Variants in SOD2 observed in about 807,000 individuals in gnomAD.
The protein encoded by SOD2 is superoxide dismutase [Mn], mitochondrial.
SOD2 carries 11 observed loss-of-function variants against 27.0 expected under a neutral mutation model. The observed-to-expected ratio is 0.41, with a 90% confidence interval of 0.26 to 0.67. SOD2 has a LOEUF of 0.67. Ranked by LOEUF, SOD2 falls within the 30% of genes least tolerant of loss-of-function variation. SOD2 has a pLI of 0.34. For synonymous variants in SOD2, 105 were observed against 103.0 expected (o/e 1.02, Z -0.12); for missense variants, 250 against 274.5 (o/e 0.91, Z 0.63).
chr6:159,677,333 T>G lies in SOD2; in HGVS notation c.*5160A>C, dbSNP rs1284037957. 1 of 152,164 alleles carries G rather than the reference T, an allele frequency of 6.6e-6. No homozygotes were observed. Among genetic ancestry groups the G allele is most frequent in the Non-Finnish European group, 1.5e-5 (1 of 68,040 alleles). 9.4% of individuals were successfully genotyped at this position (152,164 alleles called of 1,614,324 possible). A position where few individuals can be genotyped will look rare whatever the true frequency, so the allele number is the denominator to read the frequency against. ...TTTTTTAACGTGTCCCAGAAGCATC[T>G]TGACAACAGAAGCACTCTCATTACT... On this transcript the variant is annotated 3_prime_UTR_variant, in exon 5 of 5. Coordinates refer to ENST00000538183, the MANE Select transcript of SOD2 (RefSeq NM_000636.4).
upstream of SOD2, among the ~76,000 whole-genome samples, chr6:159,729,007 A>G (rs1247239375): frequency 6.6e-6 from 1 of 152,222 alleles, no homozygotes; most frequent in Non-Finnish European, 1.5e-5. Flanking sequence ...TTCCAATTCA[A>G]CGTTGAGTCA....
At chr6:159,732,323 C>G (rs1778622461), upstream of SOD2, among the ~76,000 whole-genome samples, 1 of 152,008 alleles carries the variant, frequency 6.6e-6, no homozygotes. Context: ...GGTAGGATGC[C>G]TTAGTAACTA....
chr6:159,681,506 G>T lies in SOD2; in HGVS notation c.*987C>A, dbSNP rs900691654. 1 of 152,084 alleles carries T rather than the reference G, an allele frequency of 6.6e-6. No individual in the cohort carries two copies. Among genetic ancestry groups the T allele is most frequent in the Non-Finnish European group, 1.5e-5 (1 of 68,062 alleles). 9.4% of individuals were successfully genotyped at this position (152,084 alleles called of 1,614,324 possible). On this transcript the variant is annotated 3_prime_UTR_variant, in exon 5 of 5. Transcript: ENST00000538183. Reference sequence around the variant, plus strand: ...GCCAGACCTTAATGTTCCTTTCTGCGGACCCCAAGTTTTTAGACAAAGCTT... The same window carrying T: ...GCCAGACCTTAATGTTCCTTTCTGCTGACCCCAAGTTTTTAGACAAAGCTT...
At chr6:159,717,791 C>A (rs1375613255) in intron 1 of SOD2, among the ~76,000 whole-genome samples, 1 of 151,950 alleles carries the variant, frequency 6.6e-6, no homozygotes, top group Non-Finnish European at 1.5e-5. Context: ...TAGCTTTCAC[C>A]TATCAGTGAG....
At chr6:159,727,197 CG>C in exon 1 of SOD2, 1 of 1,234,324 alleles carries the variant, frequency 8.1e-7, no homozygotes, top group Non-Finnish European at 1.0e-6. Flanking sequence ...GGAGTGTTAC[CG>C]GGGAGCAGCT....
chr6:159,715,759 G>A (rs1349531305), intron 1 of SOD2, among the ~76,000 whole-genome samples: 1 of 152,064 alleles, frequency 6.6e-6, no homozygotes, highest in Non-Finnish European at 1.5e-5. Context: ...AATTAGCTGG[G>A]TATGGTAGTT....
chr6:159,691,387 T>A (rs528382724), intron 2 of SOD2: 1 of 152,338 alleles, frequency 6.6e-6, no homozygotes, highest in African/African-American at 2.4e-5. Context: ...AATCATTTAC[T>A]TCAAACACAA....
At chr6:159,712,484 A>AC (rs202196799) in intron 1 of SOD2, among the ~76,000 whole-genome samples, 58 of 37,750 alleles carry the variant, frequency 1.5e-3, no homozygotes, top group South Asian at 5.9e-3. Context: ...ACCACCACTC[A>AC]GCTGCTCTGA....
upstream of SOD2, chr6:159,748,132 C>A: frequency 6.5e-7 from 1 of 1,532,344 alleles, no homozygotes; most frequent in Non-Finnish European, 8.8e-7. This position sits in a 1 kb window ranked among gnomAD's most constrained non-coding sequence, Gnocchi z 5.6. Context: ...GAGTTTTCCC[C>A]ACCTTCTTAT....
At chr6:159,690,030 T>C (rs1780376845) in intron 2 of SOD2, among the ~76,000 whole-genome samples, 1 of 151,630 alleles carries the variant, frequency 6.6e-6, no homozygotes, top group Non-Finnish European at 1.5e-5. Context: ...ACGCCTGTAA[T>C]CCCAGCACTT....
At position 159,684,767 on chromosome 6, in the gene SOD2, A is replaced by T. The variant is rs571529129; in HGVS notation, c.523+87T>A. On this transcript the variant is annotated intron_variant, in intron 4 of 4. Transcript: ENST00000538183. ...GATTTGCAAATTATTACATGTTCTT[A>T]AAACACTGTTAGTTTTCCTTATTTC... The T allele has an allele frequency of 3.1e-5, 34 of 1,083,282 alleles. No individual in the cohort carries two copies. The African/African-American group carries it at 5.2e-4, about 17-fold the overall frequency. 67.1% of individuals were successfully genotyped at this position (1,083,282 alleles called of 1,614,324 possible).
Position 159,692,866 on chromosome 6 carries a change from G to T in SOD2, c.24-3C>A. ...CCGGAGCCAGCTGCCTGCTGGTGCT[G>T]AAGACGAGAAAGCACAGCCCGGTCA... On this transcript the variant is annotated splice_region_variant and splice_polypyrimidine_tract_variant and intron_variant, in intron 1 of 4. Transcript: ENST00000538183. The T allele has an allele frequency of 6.3e-7, 1 of 1,599,340 alleles. No individual in the cohort carries two copies.
intron 1 of SOD2, 81 bp downstream of exon 1, chr6:159,693,064 C>A (rs1437052929): frequency 6.7e-7 from 1 of 1,502,662 alleles, no homozygotes; most frequent in Non-Finnish European, 8.9e-7. Flanking sequence ...GGTGCGGCCA[C>A]TGTCGCCATT....
intron 1 of SOD2, among the ~76,000 whole-genome samples, chr6:159,722,859 AAAT>A (rs1167606629): frequency 6.6e-6 from 1 of 152,324 alleles, no homozygotes; most frequent in East Asian, 1.9e-4. Context: ...CCAGGAAGCT[AAAT>A]AATAACTTCT....
rs3736831 is a variant in SOD2, at chr6:159,743,765, C to T, written c.-116+1365G>A. The stretch of plus-strand genomic sequence containing the variant: ...ACATCCTTGTAATGCGACTAGCAAC[C>T]AAGGAACAAGAGATGCAAGAGTGTA... On this transcript the variant is annotated intron_variant, in intron 1 of 3. Coordinates refer to the SOD2 transcript ENST00000537657. The T allele has an allele frequency of 1.2e-5, 20 of 1,612,438 alleles. No individual in the cohort carries two copies. In the East Asian group the frequency reaches 4.5e-4, roughly 36 times the overall value.
In SOD2 at chr6:159,672,548, A is replaced by AT. The variant is rs1283744989; in HGVS notation, c.*9944dup. On this transcript the variant is annotated 3_prime_UTR_variant, in exon 5 of 5. Coordinates refer to ENST00000538183, the MANE Select transcript of SOD2 (RefSeq NM_000636.4). ...TTTACAAACAAGCAAATGCTGAGAGATTTTGTCACCACCAGGCCTGCCTTA... is the reference window on the plus strand; with the variant it reads ...TTTACAAACAAGCAAATGCTGAGAGATTTTTGTCACCACCAGGCCTGCCTTA... 6.6e-6 allele frequency: 1 copy of AT among 152,282 alleles called. No homozygotes were observed. The highest frequency in any genetic ancestry group is 1.9e-4 in the East Asian group (1 of 5,190). 9.4% of individuals were successfully genotyped at this position (152,282 alleles called of 1,614,324 possible). A position where few individuals can be genotyped will look rare whatever the true frequency, so the allele number is the denominator to read the frequency against.
intron 2 of SOD2, among the ~76,000 whole-genome samples, chr6:159,690,050 G>A (rs1474346007): frequency 2.0e-5 from 3 of 151,914 alleles, no homozygotes; most frequent in African/African-American, 7.3e-5. Flanking sequence ...TTGGGAGGCT[G>A]AGATGGGCGG....
In SOD2 at chr6:159,680,918, A is replaced by G. The variant is rs192550614; in HGVS notation, c.*1575T>C. On this transcript the variant is annotated 3_prime_UTR_variant, in exon 5 of 5. Transcript: ENST00000538183. ...GCCACTGCACTCCAGCCTGGGCAAC[A>G]GAGCAAGACTCTGTCTCCAAAAAAA... The G allele has an allele frequency of 1.3e-5, 2 of 150,064 alleles. No homozygotes were observed. The highest frequency in any genetic ancestry group is 2.4e-5 in the African/African-American group (1 of 41,046). The allele number at this position is 150,064 out of a possible 1,614,324, so 9.3% of individuals were successfully genotyped here.
chr6:159,686,227 T>C (rs1483466984), intron 3 of SOD2, among the ~76,000 whole-genome samples: 2 of 152,202 alleles, frequency 1.3e-5, no homozygotes, highest in Admixed American at 6.5e-5. Flanking sequence ...TGATGGAATG[T>C]GGTACAGATT....
Sources: allele counts gnomAD v4.1 joint callset (sites outside exome capture counted in the v4.1 genomes callset), GRCh38; gene constraint gnomAD v4.1.1; non-coding constraint Gnocchi (gnomAD v3.1); transcripts MANE v1.5; gene names NCBI Gene and HGNC (gene_info 2026-07-23, HGNC 2026-07-21).